The following NBPF12 variants were observed in gnomAD, a reference collection of about 807,000 sequenced individuals.
NBPF12 encodes the protein NBPF member 12.
In NBPF12, 115 loss-of-function variants were observed where a neutral mutation model predicts 146.4. The ratio of observed to expected loss-of-function variants is 0.79; its 90% CI spans 0.68 to 0.92. NBPF12 has a LOEUF of 0.92. NBPF12 is among the 40% of genes least tolerant of loss of function. The pLI is 0.00. For synonymous variants in NBPF12, 385 were observed against 508.9 expected, an observed-to-expected ratio of 0.76 and a Z score of 3.28; for missense variants, 1,205 against 1,326.8, an observed-to-expected ratio of 0.91 and a Z score of 1.43.
In NBPF12 at chr1:146,969,598, T is replaced by C; in HGVS notation, c.1306+2T>C. 1.2e-6 allele frequency: 2 copies of C among 1,609,884 alleles called. No homozygotes were observed. The highest frequency in any genetic ancestry group is 1.7e-6 in the Non-Finnish European group (2 of 1,179,156). On this transcript the variant is annotated splice_donor_variant, in intron 11 of 33. Transcript: ENST00000617844. LOFTEE classifies it high-confidence loss of function. ...ACCTTGTCCAAAAGCTCAGCCCAGGTAAGGTGGCCACAGGCCCTGATGACC... is the reference window on the plus strand; with the variant it reads ...ACCTTGTCCAAAAGCTCAGCCCAGGCAAGGTGGCCACAGGCCCTGATGACC...
upstream of NBPF12, among the ~76,000 whole-genome samples, chr1:146,945,095 C>T (rs1283513229): frequency 7.0e-6 from 1 of 142,334 alleles, no homozygotes; most frequent in African/African-American, 2.6e-5. Flanking sequence ...TTCCTCCCTC[C>T]TTCCCTCCCT....
chr1:146,952,337 T>G (rs2101826137), intron 2 of NBPF12, among the ~76,000 whole-genome samples: 1 of 152,202 alleles, frequency 6.6e-6, no homozygotes, highest in African/African-American at 2.4e-5. Context: ...TGGTTCTCTG[T>G]GAGCATCTCT....
chr1:146,972,900 A>C, exon 14 of NBPF12: 1 of 1,054,306 alleles, frequency 9.5e-7, no homozygotes, highest in South Asian at 1.2e-5. Context: ...CAGAAGCCTC[A>C]AAGAGAAATG....
chr1:146,975,497 G>C (rs1324956881), intron 15 of NBPF12, among the ~76,000 whole-genome samples, 180 bp from the exon 19 acceptor site: 6 of 148,934 alleles, frequency 4.0e-5, no homozygotes, highest in African/African-American at 1.5e-4. Context: ...CTCTGATACA[G>C]AGGAAGCCTG....
Position 146,962,158 on chromosome 1 carries a change from C to G in NBPF12, c.176-3C>G. On this transcript the variant is annotated splice_polypyrimidine_tract_variant and splice_region_variant and intron_variant, in intron 4 of 33. Coordinates refer to ENST00000617844, the Ensembl canonical transcript of NBPF12. ...GAGGCAGGCGTGTCTGTCTTTTTCT[C>G]AGAGTATGAAGAGTGTAAAGACCTC... 1.2e-6 allele frequency: 2 copies of G among 1,608,720 alleles called. No homozygotes were observed. The highest frequency in any genetic ancestry group is 1.7e-6 in the Non-Finnish European group (2 of 1,177,938).
At chr1:146,989,412 G>A (rs1283540104) in intron 27 of NBPF12, among the ~76,000 whole-genome samples, 162 bp from the exon 31 acceptor site, 1,518 of 146,950 alleles carry the variant, frequency 0.01, no homozygotes, top group Middle Eastern at 0.018. Flanking sequence ...TTTCTACCTG[G>A]CCCTGTTCTA....
At chr1:146,970,710 C>T in exon 12 of NBPF12, 4 of 1,374,950 alleles carry the variant, frequency 2.9e-6, no homozygotes, top group Non-Finnish European at 3.1e-6. Flanking sequence ...CTGGAATCAT[C>T]TTCCCCCAGG....
At chr1:146,942,119 A>G (rs1233939580) in intron 1 of NBPF12, among the ~76,000 whole-genome samples, 1 of 150,626 alleles carries the variant, frequency 6.6e-6, no homozygotes, top group Non-Finnish European at 1.5e-5. Context: ...CAGCCTCCCA[A>G]AGTGCTGGGA....
At chr1:146,954,774 G>GAA (rs1277284016) in intron 2 of NBPF12, among the ~76,000 whole-genome samples, 1 of 142,874 alleles carries the variant, frequency 7.0e-6, no homozygotes, top group Non-Finnish European at 1.5e-5. Flanking sequence ...GTGTTTTGTT[G>GAA]AAAAAAAAAT....
At chr1:146,945,724 A>G (rs1441430567), upstream of NBPF12, among the ~76,000 whole-genome samples, 638 of 152,070 alleles carry the variant, frequency 4.2e-3, 3 homozygotes, top group Middle Eastern at 0.027. Flanking sequence ...TCCAGCACAC[A>G]ATTTCCCCTA....
chr1:146,994,093 TC>T (rs1658357078), intron 33 of NBPF12, among the ~76,000 whole-genome samples: 1 of 60,974 alleles, frequency 1.6e-5, no homozygotes, highest in Non-Finnish European at 3.5e-5. Flanking sequence ...GCTCACTTTC[TC>T]TCTGTCTCTG....
exon 8 of NBPF12, chr1:146,965,103 A>G: frequency 6.4e-7 from 1 of 1,574,672 alleles, no homozygotes; most frequent in Non-Finnish European, 8.7e-7. Context: ...ACATTCTCCC[A>G]GGTAGCCTCT....
intron 12 of NBPF12, among the ~76,000 whole-genome samples, 158 bp from the exon 16 acceptor site, chr1:146,971,023 CAG>C (rs1301662222): frequency 6.6e-6 from 1 of 151,378 alleles, no homozygotes; most frequent in Non-Finnish European, 1.5e-5. Flanking sequence ...TGCTCTGTTG[CAG>C]AGAGAAGAGG....
chr1:146,971,450 T>G (rs1334791073), intron 13 of NBPF12, 56 bp downstream of exon 16: 54 of 1,419,330 alleles, frequency 3.8e-5, no homozygotes, highest in Non-Finnish European at 4.8e-5. Flanking sequence ...GAAGATCAAT[T>G]CTGAGGACAG....
rs1275899688 is a variant in NBPF12 at position 146,981,162 on chromosome 1, G to C, written c.2451-1766G>C. Among the ~76,000 whole-genome samples the C allele has an allele frequency of 2.2e-5, 3 of 134,552 alleles. No individual in the cohort carries two copies. In the East Asian group the frequency reaches 6.9e-4, roughly 31 times the overall value. The allele number at this position is 134,552 out of a possible 152,430, so 88.3% of individuals were successfully genotyped here. A position where few individuals can be genotyped will look rare whatever the true frequency, so the allele number is the denominator to read the frequency against. On this transcript the variant is annotated intron_variant, in intron 19 of 33. Transcript: ENST00000617844. ...GGGGGAGGGAGGAGGGGTAGCATTA[G>C]GAGATATACCTAATGTTAAATGATG...
chr1:146,966,415 G>T (rs1342407258), intron 8 of NBPF12, 49 bp from the exon 12 acceptor site: 3 of 1,339,034 alleles, frequency 2.2e-6, no homozygotes, highest in East Asian at 2.3e-5. Context: ...AAGCCTACTT[G>T]ATTTCACCAG....
rs1239778019 is a variant in NBPF12, at chr1:146,960,448, T to C, written c.175+130T>C. On this transcript the variant is annotated intron_variant, in intron 4 of 33. Coordinates refer to ENST00000617844, the Ensembl canonical transcript of NBPF12. ...ACTTCTAGGAAAACAGAAATGGGTA[T>C]TTTAACATTTTGTTAAAGTTGGAAG... The C allele has an allele frequency of 3.5e-4, 217 of 611,562 alleles. 1 individual carries two copies. The highest frequency in any genetic ancestry group is 4.3e-4 in the Middle Eastern group (1 of 2,314). 37.9% of individuals were successfully genotyped at this position (611,562 alleles called of 1,614,324 possible). A position where few individuals can be genotyped will look rare whatever the true frequency, so the allele number is the denominator to read the frequency against.
intron 5 of NBPF12, among the ~76,000 whole-genome samples, 156 bp downstream of exon 8, chr1:146,962,419 G>A (rs1487569007): frequency 6.7e-6 from 1 of 148,382 alleles, no homozygotes; most frequent in Non-Finnish European, 1.5e-5. Context: ...CAGAGAACAA[G>A]GATAATAATA....
chr1:146,942,267 G>A (rs1654843311), intron 1 of NBPF12, among the ~76,000 whole-genome samples: 1 of 151,290 alleles, frequency 6.6e-6, no homozygotes, highest in Non-Finnish European at 1.5e-5. Context: ...GGGATTACAG[G>A]TGTGAGCCAT....
Sources: gnomAD v4.1 joint callset for allele counts (sites outside exome capture counted in the v4.1 genomes callset) on GRCh38, gnomAD v4.1.1 for gene constraint, MANE v1.5 for transcripts, NCBI Gene and HGNC (gene_info 2026-07-23, HGNC 2026-07-21) for gene names.